DDAH1: variants seen among roughly 807,000 people sequenced by gnomAD.
DDAH1 encodes the protein dimethylarginine dimethylaminohydrolase 1.
DDAH1 carries 19 observed loss-of-function variants against 28.8 expected under a neutral mutation model. That is an observed-to-expected ratio of 0.66 (90% CI 0.46 to 0.97). The LOEUF (loss-of-function observed/expected upper bound fraction) is 0.97, where lower values mean the gene tolerates loss of function less well. DDAH1 is among the 50% of genes least tolerant of loss of function. DDAH1 has a pLI of 0.00. For synonymous variants in DDAH1, 153 were observed against 154.4 expected, an observed-to-expected ratio of 0.99 and a Z score of 0.07; for missense variants, 326 against 375.9, an observed-to-expected ratio of 0.87 and a Z score of 1.10.
chr1:85,468,668 C>T (rs908742433), upstream of DDAH1, among the ~76,000 whole-genome samples: 4 of 151,992 alleles, frequency 2.6e-5, no homozygotes, highest in Non-Finnish European at 4.4e-5. Flanking sequence ...TACAGGCACC[C>T]GCCACCACAC....
intron 1 of DDAH1, among the ~76,000 whole-genome samples, chr1:85,508,413 C>T (rs902602666): frequency 4.6e-5 from 7 of 152,296 alleles, no homozygotes; most frequent in South Asian, 2.1e-4. Context: ...ACGCTGAAGA[C>T]GGGTGATTTC....
upstream of DDAH1, chr1:85,467,478 A>T (rs960122689): frequency 1.3e-5 from 2 of 152,198 alleles, no homozygotes; most frequent in Non-Finnish European, 2.9e-5. Context: ...TATCCCTGTT[A>T]AATGTTATTT....
intron 1 of DDAH1, among the ~76,000 whole-genome samples, chr1:85,463,420 G>A (rs960624575): frequency 1.3e-5 from 2 of 152,200 alleles, no homozygotes. Flanking sequence ...ATTTGGCCTA[G>A]AACGCATTAG....
At chr1:85,426,921 CAAAA>C (rs10680800) in intron 1 of DDAH1, among the ~76,000 whole-genome samples, 16 of 120,432 alleles carry the variant, frequency 1.3e-4, no homozygotes, top group African/African-American at 3.8e-4. Flanking sequence ...TTAAAAAAAA[CAAAA>C]AAAAAAAAAA....
intron 1 of DDAH1, among the ~76,000 whole-genome samples, chr1:85,559,275 A>C (rs1659073427): frequency 6.6e-6 from 1 of 152,206 alleles, no homozygotes; most frequent in South Asian, 2.1e-4. Flanking sequence ...GGACTGAACT[A>C]TCTCTTGAGT....
At chr1:85,545,420 G>A (rs1410182141) in intron 1 of DDAH1, among the ~76,000 whole-genome samples, 2 of 152,114 alleles carry the variant, frequency 1.3e-5, no homozygotes, top group African/African-American at 4.8e-5. Flanking sequence ...TTAAAGATAA[G>A]GATCAATTCT....
intron 1 of DDAH1, among the ~76,000 whole-genome samples, chr1:85,359,661 CTG>C (rs1260635141): frequency 2.0e-5 from 3 of 152,194 alleles, no homozygotes; most frequent in African/African-American, 4.8e-5. Context: ...TAAATGTAAA[CTG>C]TGTTAGTTAT....
At chr1:85,575,770 T>C (rs1228133847) in intron 1 of DDAH1, 2 of 152,172 alleles carry the variant, frequency 1.3e-5, no homozygotes, top group African/African-American at 4.8e-5. Context: ...TGAGACCTTA[T>C]GATCTGGGCC....
intron 1 of DDAH1, among the ~76,000 whole-genome samples, chr1:85,375,061 A>G (rs1650587562): frequency 1.0e-5 from 1 of 97,860 alleles, no homozygotes; most frequent in Non-Finnish European, 2.0e-5. Flanking sequence ...ATTTGAGGAT[A>G]AAAAGCTACA....
At chr1:85,487,634 A>G (rs1322027706) in intron 2 of DDAH1, among the ~76,000 whole-genome samples, 1 of 152,216 alleles carries the variant, frequency 6.6e-6, no homozygotes, top group Non-Finnish European at 1.5e-5. Context: ...AACTGGTAGC[A>G]CATTCACATA....
chr1:85,471,131 A>G (rs1252705982), intron 2 of DDAH1, among the ~76,000 whole-genome samples: 1 of 152,150 alleles, frequency 6.6e-6, no homozygotes, highest in Non-Finnish European at 1.5e-5. Flanking sequence ...GGGGACAGAG[A>G]TTGGGGTATT....
At chr1:85,441,210 G>A (rs2100652819) in intron 1 of DDAH1, among the ~76,000 whole-genome samples, 2 of 152,284 alleles carry the variant, frequency 1.3e-5, no homozygotes, top group Middle Eastern at 6.8e-3. Flanking sequence ...AGCACACAAG[G>A]AAGGAAAGAT....
At chr1:85,409,188 C>A (rs796657650) in intron 1 of DDAH1, among the ~76,000 whole-genome samples, 20 of 152,190 alleles carry the variant, frequency 1.3e-4, no homozygotes, top group African/African-American at 4.8e-4. Context: ...ACATGTGTGG[C>A]CCAAGACAAT....
At chr1:85,352,726 G>A (rs1557508515) in intron 2 of DDAH1, among the ~76,000 whole-genome samples, 1 of 152,070 alleles carries the variant, frequency 6.6e-6, no homozygotes, top group Non-Finnish European at 1.5e-5. Context: ...TTAGAAGCTG[G>A]GTGATATTTT....
At chr1:85,528,799 C>A (rs560725530) in intron 1 of DDAH1, among the ~76,000 whole-genome samples, 51 of 152,268 alleles carry the variant, frequency 3.3e-4, no homozygotes, top group Middle Eastern at 3.4e-3. Context: ...TACGGTGAAA[C>A]CCCGTCTCTA....
Position 85,464,980 on chromosome 1 carries a change from G to C in DDAH1, c.66C>G (p.Pro22=), listed in dbSNP as rs750940483. The C allele has an allele frequency of 8.8e-5, 127 of 1,447,542 alleles. 1 individual carries two copies. The East Asian group carries it at 3.7e-3, about 43-fold the overall frequency. The allele number at this position is 1,447,542 out of a possible 1,614,324, so 89.7% of individuals were successfully genotyped here. A position where few individuals can be genotyped will look rare whatever the true frequency, so the allele number is the denominator to read the frequency against. Residue 22 remains proline, a synonymous_variant, in exon 1 of 6, where the codon CCC becomes CCG. Coordinates refer to ENST00000284031, the MANE Select transcript of DDAH1 (RefSeq NM_012137.4). The surrounding 1 kb of genome is among the most constrained non-coding windows in gnomAD (Gnocchi z 4.4). ...TCAGCGCGTGCTGGCCGAGCGACTC[G>C]GGTAGCGCCCGCACCACGGCGTGGG... ...RATHAVVRAL[P]ESLGQHALRS...
intron 1 of DDAH1, among the ~76,000 whole-genome samples, chr1:85,568,298 A>G (rs1307922946): frequency 6.6e-6 from 1 of 152,200 alleles, no homozygotes; most frequent in African/African-American, 2.4e-5. Flanking sequence ...CAAACAAAGG[A>G]AAGGAAATAA....
At chr1:85,361,291 C>A (rs116791683) in intron 1 of DDAH1, among the ~76,000 whole-genome samples, 1 of 152,094 alleles carries the variant, frequency 6.6e-6, no homozygotes, top group African/African-American at 2.4e-5. Context: ...GGAGTTTTTG[C>A]AGGAAAAGAT....
upstream of DDAH1, among the ~76,000 whole-genome samples, chr1:85,468,798 G>A (rs1019170660): frequency 2.6e-5 from 4 of 152,100 alleles, no homozygotes; most frequent in Admixed American, 1.3e-4. Context: ...GATTACAGGC[G>A]TGAGCAACCG....
Sources: allele counts gnomAD v4.1 joint callset (sites outside exome capture counted in the v4.1 genomes callset), GRCh38; gene constraint gnomAD v4.1.1; non-coding constraint Gnocchi (gnomAD v3.1); transcripts MANE v1.5; gene names NCBI Gene and HGNC (gene_info 2026-07-23, HGNC 2026-07-21).